The following PRDM16 variants were observed in gnomAD, a reference collection of about 807,000 sequenced individuals.
PRDM16 encodes the protein PR/SET domain 16, also known as histone-lysine N-methyltransferase PRDM16.
Under a neutral mutation model 110.6 loss-of-function variants are expected in PRDM16, and 23 were observed. The ratio of observed to expected loss-of-function variants is 0.21; its 90% CI spans 0.15 to 0.29. The LOEUF (loss-of-function observed/expected upper bound fraction) is 0.29, where lower values mean the gene tolerates loss of function less well. PRDM16 is among the 10% of genes least tolerant of loss of function. The pLI is 1.00. For missense variants in PRDM16, 1,615 were observed against 1,794.3 expected (o/e 0.90, Z 1.81); for synonymous variants, 799 against 781.8 (o/e 1.02, Z -0.37).
At chr1:3,125,488 G>A (rs1020853810) in intron 1 of PRDM16, among the ~76,000 whole-genome samples, 2 of 152,258 alleles carry the variant, frequency 1.3e-5, no homozygotes, top group Non-Finnish European at 2.9e-5. Context: ...TGGGCTGTTC[G>A]GAAGGGCAGA....
chr1:3,357,132 G>A (rs558887954), intron 3 of PRDM16, among the ~76,000 whole-genome samples: 9 of 152,208 alleles, frequency 5.9e-5, no homozygotes, highest in East Asian at 1.9e-4. Context: ...GCTGCATGCC[G>A]GCCCTGTCTC....
rs989636246 is a variant in PRDM16 at position 3,408,299 on chromosome 1, C to T, written c.1186+2651C>T. 5.3e-5 allele frequency among the ~76,000 whole-genome samples: 8 copies of T among 152,172 alleles called. No homozygotes were observed. In the South Asian group the frequency reaches 6.2e-4, roughly 12 times the overall value. On this transcript the variant is annotated intron_variant, in intron 8 of 16. Transcript: ENST00000270722. ...CCTGGTGGTGTCTTTCCCACCAAGG[C>T]GCTCACCTGTGCCCTGGGCTGTGTA...
At position 3,339,215 on chromosome 1, in the gene PRDM16, A is replaced by G. The variant is rs2100508741; in HGVS notation, c.439-45937A>G. Among the ~76,000 whole-genome samples the G allele has an allele frequency of 6.6e-6, 1 of 151,876 alleles. No individual in the cohort carries two copies. Among genetic ancestry groups the G allele is most frequent in the East Asian group, 2.0e-4 (1 of 5,124 alleles). ...ACCTCCAGCTGCTGAAAGCCGAACC[A>G]CGTTTTGTGGGATACTGCCCCCGAG... On this transcript the variant is annotated intron_variant, in intron 3 of 16. Transcript: ENST00000270722. The surrounding 1 kb of genome is among the most constrained non-coding windows in gnomAD (Gnocchi z 5.0).
intron 1 of PRDM16, chr1:3,132,987 G>A (rs1643365011): frequency 6.6e-6 from 1 of 152,262 alleles, no homozygotes; most frequent in Non-Finnish European, 1.5e-5. Flanking sequence ...GATGGTAAAT[G>A]TCTTCAGGAA....
At chr1:3,176,041 A>G (rs1331014677) in intron 1 of PRDM16, among the ~76,000 whole-genome samples, 3 of 61,570 alleles carry the variant, frequency 4.9e-5, no homozygotes, top group African/African-American at 1.3e-4. Flanking sequence ...CCACCCATCC[A>G]TCCCCTCATC....
chr1:3,298,062 C>T (rs1570017993), intron 3 of PRDM16, among the ~76,000 whole-genome samples: 1 of 151,702 alleles, frequency 6.6e-6, no homozygotes, highest in East Asian at 1.9e-4. Flanking sequence ...GAGAGTTCTG[C>T]AGCACCAGGG....
At chr1:3,411,129 G>A (rs1026527033) in intron 8 of PRDM16, among the ~76,000 whole-genome samples, 43 of 152,150 alleles carry the variant, frequency 2.8e-4, no homozygotes, top group African/African-American at 7.0e-4. Context: ...ATACACACAC[G>A]CCTGCCCAGA....
chr1:3,371,199 A>G (rs1642900085), intron 3 of PRDM16, among the ~76,000 whole-genome samples: 1 of 111,726 alleles, frequency 9.0e-6, no homozygotes, highest in South Asian at 3.3e-4. Context: ...CCATCCATCC[A>G]TCCATCCACC....
At position 3,093,513 on chromosome 1, in the gene PRDM16, AG is replaced by A. The variant is rs370623015; in HGVS notation, c.37+24219del. On this transcript the variant is annotated intron_variant, in intron 1 of 16. Transcript: ENST00000270722. ...TGGGGAATGAGAGCCCAAATGCCAC[AG>A]GTTGTGTGCTCTCTGCCTCTGGGCG... Among the ~76,000 whole-genome samples, 394 of 152,294 alleles carry A rather than the reference AG, an allele frequency of 2.6e-3. 1 individual carries two copies. Among genetic ancestry groups the A allele is most frequent in the African/African-American group, 9.0e-3 (376 of 41,556 alleles).
intron 3 of PRDM16, among the ~76,000 whole-genome samples, chr1:3,350,000 G>T (rs1447627421): frequency 6.6e-6 from 1 of 151,844 alleles, no homozygotes; most frequent in Non-Finnish European, 1.5e-5. Flanking sequence ...GCAGTCAGAG[G>T]CCTGGACCTG....
At chr1:3,087,755 G>C (rs953990256) in intron 1 of PRDM16, among the ~76,000 whole-genome samples, 19 of 152,220 alleles carry the variant, frequency 1.2e-4, no homozygotes, top group Admixed American at 9.2e-4. Context: ...GGTTGTGTCT[G>C]CCAGTACCAT....
chr1:3,181,236 T>G (rs1254243841), intron 1 of PRDM16, among the ~76,000 whole-genome samples: 2 of 143,146 alleles, frequency 1.4e-5, no homozygotes, highest in Admixed American at 1.4e-4. Context: ...ACACACGGTC[T>G]TACACACAGT....
At chr1:3,304,791 G>A (rs1226753287) in intron 3 of PRDM16, among the ~76,000 whole-genome samples, 2 of 152,202 alleles carry the variant, frequency 1.3e-5, no homozygotes, top group Non-Finnish European at 2.9e-5. Flanking sequence ...ACAGCAGGAG[G>A]TGGTCTCAGG....
chr1:3,255,980 A>C lies in PRDM16; in HGVS notation c.438+11843A>C, dbSNP rs567033014. Among the ~76,000 whole-genome samples the C allele has an allele frequency of 7.2e-5, 11 of 152,262 alleles. No individual in the cohort carries two copies. In the South Asian group the frequency reaches 2.1e-3, roughly 29 times the overall value. Reference sequence around the variant, plus strand: ...TGGAACGAGCTCCGCCTCTCAGGGGAGGGACAGGATTACGTGGCAGAGAGC... The same window carrying C: ...TGGAACGAGCTCCGCCTCTCAGGGGCGGGACAGGATTACGTGGCAGAGAGC... On this transcript the variant is annotated intron_variant, in intron 3 of 16. Transcript: ENST00000270722. This position sits in a 1 kb window ranked among gnomAD's most constrained non-coding sequence, Gnocchi z 4.7.
chr1:3,416,500 TCTC>T (rs1398967834), intron 10 of PRDM16, among the ~76,000 whole-genome samples: 1 of 152,064 alleles, frequency 6.6e-6, no homozygotes, highest in Non-Finnish European at 1.5e-5. Context: ...CACCTGCCCT[TCTC>T]CTCACCCCCA....
At chr1:3,256,831 T>C (rs1184250829) in intron 3 of PRDM16, among the ~76,000 whole-genome samples, 1 of 152,104 alleles carries the variant, frequency 6.6e-6, no homozygotes, top group East Asian at 1.9e-4. Context: ...CACTCCAGCC[T>C]GGGCGACAGA....
chr1:3,355,020 G>T (rs755641116), intron 3 of PRDM16, among the ~76,000 whole-genome samples: 1 of 152,144 alleles, frequency 6.6e-6, no homozygotes, highest in Non-Finnish European at 1.5e-5. Context: ...CTCTGTGGCT[G>T]AGCACCAGGG....
At chr1:3,218,679 C>T (rs891739937) in intron 2 of PRDM16, among the ~76,000 whole-genome samples, 1 of 152,362 alleles carries the variant, frequency 6.6e-6, no homozygotes, top group Admixed American at 6.5e-5. Flanking sequence ...CTTATCCACA[C>T]TGGCAGGTGC....
chr1:3,305,831 C>T (rs1365569753), intron 3 of PRDM16, among the ~76,000 whole-genome samples: 3 of 152,246 alleles, frequency 2.0e-5, no homozygotes, highest in Non-Finnish European at 4.4e-5. Context: ...GAGAAGGGAA[C>T]CCTTCCGGGT....
Sources: gnomAD v4.1 joint callset for allele counts (sites outside exome capture counted in the v4.1 genomes callset) on GRCh38, gnomAD v4.1.1 for gene constraint, Gnocchi (gnomAD v3.1) non-coding constraint, MANE v1.5 for transcripts, NCBI Gene and HGNC (gene_info 2026-07-23, HGNC 2026-07-21) for gene names.